RTL4: variants seen among roughly 807,000 people sequenced by gnomAD.
RTL4 encodes the protein retrotransposon Gag like 4.
RTL4 carries 4 observed loss-of-function variants against 5.3 expected under a neutral mutation model. The ratio of observed to expected loss-of-function variants is 0.75; its 90% CI spans 0.37 to 1.72. The LOEUF is 1.72. RTL4 is among the 40% of genes most tolerant of loss of function. The pLI is 0.04. For synonymous variants in RTL4, 98 were observed against 87.3 expected (o/e 1.12, Z -0.68); for missense variants, 260 against 227.1 (o/e 1.14, Z -0.93).
At chrX:112,222,775 C>T in the RTL4 span, among the ~76,000 whole-genome samples, 1 of 111,798 alleles carries the variant, frequency 8.9e-6, no homozygotes. Context: ...TCGTAAGGAT[C>T]CAGTCAAGGA....
the RTL4 span, among the ~76,000 whole-genome samples, chrX:112,151,042 G>A: frequency 1.8e-5 from 2 of 111,802 alleles, no homozygotes; most frequent in Non-Finnish European, 3.8e-5. Flanking sequence ...ATCTAGCCAC[G>A]CTGTCTGAAA....
At chrX:112,302,129 C>T in the RTL4 span, among the ~76,000 whole-genome samples, 22 of 109,222 alleles carry the variant, frequency 2.0e-4, no homozygotes, top group South Asian at 8.4e-3. Context: ...GGCATGGTGG[C>T]GGGCACCTGT....
At chrX:112,267,339 CCTATCAGAAA>C in the RTL4 span, among the ~76,000 whole-genome samples, 1 of 112,139 alleles carries the variant, frequency 8.9e-6, no homozygotes. Context: ...TCTTTCCTTA[CCTATCAGAAA>C]CAATGAACAC....
At chrX:112,314,976 G>A in the RTL4 span, among the ~76,000 whole-genome samples, 2 of 111,664 alleles carry the variant, frequency 1.8e-5, no homozygotes, top group Admixed American at 9.5e-5. Flanking sequence ...TTGTGAAGCC[G>A]TGAAGTTGGA....
At chrX:112,173,662 T>C in the RTL4 span, among the ~76,000 whole-genome samples, 1 of 109,876 alleles carries the variant, frequency 9.1e-6, no homozygotes, top group African/African-American at 3.3e-5. Context: ...TACCTTGAAA[T>C]GGTGTCTCCA....
the RTL4 span, among the ~76,000 whole-genome samples, chrX:112,130,893 A>G: frequency 2.9e-5 from 3 of 104,827 alleles, no homozygotes; most frequent in African/African-American, 1.1e-4. Context: ...TCCCGGGTTC[A>G]TGCCATTCTC....
At chrX:112,421,564 C>T in the RTL4 span, among the ~76,000 whole-genome samples, 5 of 111,411 alleles carry the variant, frequency 4.5e-5, no homozygotes, top group South Asian at 1.9e-3. Flanking sequence ...TTTACTACAC[C>T]AAGATACCTC....
chrX:112,169,157 G>A, the RTL4 span, among the ~76,000 whole-genome samples: 1 of 104,326 alleles, frequency 9.6e-6, no homozygotes, highest in Non-Finnish European at 1.9e-5. Context: ...TTGTTGCCCA[G>A]GCTGGAGTGT....
At chrX:112,222,371 A>C in the RTL4 span, among the ~76,000 whole-genome samples, 1 of 111,507 alleles carries the variant, frequency 9.0e-6, no homozygotes, top group African/African-American at 3.3e-5. Context: ...GGATAGGTCC[A>C]GCTCCAGTAC....
chrX:112,384,127 A>G, the RTL4 span, among the ~76,000 whole-genome samples: 1 of 112,078 alleles, frequency 8.9e-6, no homozygotes, highest in Non-Finnish European at 1.9e-5. Context: ...AAATACCCCA[A>G]ATTTTCAAAG....
chrX:112,101,586 C>A, the RTL4 span, among the ~76,000 whole-genome samples: 1 of 110,851 alleles, frequency 9.0e-6, no homozygotes, highest in South Asian at 3.8e-4. Context: ...CCATAGGTGA[C>A]AAATTCCTGG....
exon 1 of RTL4, chrX:112,455,133 A>C: frequency 1.7e-6 from 2 of 1,211,994 alleles, no homozygotes; most frequent in Non-Finnish European, 2.2e-6. Flanking sequence ...TCCAGCAGTC[A>C]TTTGGTAAAC....
the RTL4 span, among the ~76,000 whole-genome samples, chrX:112,418,398 G>T: frequency 9.0e-6 from 1 of 111,313 alleles, no homozygotes; most frequent in African/African-American, 3.3e-5. Flanking sequence ...CAGTATTGGG[G>T]TGGAAGCAAA....
the RTL4 span, among the ~76,000 whole-genome samples, chrX:112,447,419 A>T: frequency 8.9e-6 from 1 of 112,349 alleles, no homozygotes; most frequent in Non-Finnish European, 1.9e-5. Context: ...TAATTCACCC[A>T]AGGTCTCATA....
the RTL4 span, among the ~76,000 whole-genome samples, chrX:112,436,962 G>T: frequency 1.5e-3 from 168 of 111,827 alleles, 1 homozygote; most frequent in South Asian, 7.5e-4. Flanking sequence ...CGTGATGGAG[G>T]ATACTTTATC....
chrX:112,229,092 C>T, the RTL4 span, among the ~76,000 whole-genome samples: 5 of 111,904 alleles, frequency 4.5e-5, no homozygotes, highest in Non-Finnish European at 9.4e-5. Context: ...CCTCATTCAT[C>T]CCACTAATTA....
chrX:112,359,557 C>T, the RTL4 span, among the ~76,000 whole-genome samples: 1 of 110,889 alleles, frequency 9.0e-6, no homozygotes, highest in Non-Finnish European at 1.9e-5. Flanking sequence ...ATAAAGATAG[C>T]TACATTTTGA....
At chrX:112,087,798 GATA>G in the RTL4 span, among the ~76,000 whole-genome samples, 2 of 111,367 alleles carry the variant, frequency 1.8e-5, no homozygotes, top group Admixed American at 1.9e-4. Flanking sequence ...GATTTAATTG[GATA>G]ATGCATAAGC....
At chrX:112,400,104 T>G in the RTL4 span, among the ~76,000 whole-genome samples, 2,018 of 111,293 alleles carry the variant, frequency 0.018, 55 homozygotes, top group African/African-American at 0.062. Context: ...GCTTCTTATA[T>G]CTACTGATTT....
Sources: allele counts gnomAD v4.1 joint callset (sites outside exome capture counted in the v4.1 genomes callset), GRCh38; gene constraint gnomAD v4.1.1; transcripts MANE v1.5; gene names NCBI Gene and HGNC (gene_info 2026-07-23, HGNC 2026-07-21).